The following TIMELESS variants were observed in gnomAD, a reference collection of about 807,000 sequenced individuals.
TIMELESS encodes protein timeless homolog.
A neutral mutation model predicts 164.3 loss-of-function variants in TIMELESS; 124 were observed. That is an observed-to-expected ratio of 0.75 (90% CI 0.65 to 0.88). The LOEUF is 0.88. Among genes scored for constraint, TIMELESS ranks in the 40% least tolerant of loss-of-function variants. The pLI, the probability that TIMELESS is intolerant of heterozygous loss-of-function variation, is 0.00. For missense variants in TIMELESS, 1,422 were observed against 1,491.4 expected (o/e 0.95, Z 0.77); for synonymous variants, 564 against 563.4 (o/e 1.00, Z -0.02).
At position 56,447,018 on chromosome 12, in the gene TIMELESS, T is replaced by TA. The variant is rs1339402409; in HGVS notation, c.-62+2291_-62+2292insT. On this transcript the variant is annotated intron_variant, in intron 1 of 28. Coordinates refer to ENST00000553532, the MANE Select transcript of TIMELESS (RefSeq NM_003920.5). ...TGAGGACAGGAATTCTTTTTATTTT[T>TA]TTTTTTTTTGGAGACGAGTCTCACT... Among the ~76,000 whole-genome samples the TA allele has an allele frequency of 2.5e-3, 384 of 151,546 alleles. 4 individuals carry two copies. Among genetic ancestry groups the TA allele is most frequent in the African/African-American group, 8.8e-3 (363 of 41,362 alleles).
intron 15 of TIMELESS, among the ~76,000 whole-genome samples, chr12:56,424,553 T>C (rs1243977658): frequency 6.6e-6 from 1 of 152,230 alleles, no homozygotes; most frequent in Non-Finnish European, 1.5e-5. Context: ...TTGCTTTCTT[T>C]ATTTTTTTCT....
At chr12:56,434,475 C>T (rs1013056705) in intron 1 of TIMELESS, among the ~76,000 whole-genome samples, 4 of 152,192 alleles carry the variant, frequency 2.6e-5, no homozygotes, top group Non-Finnish European at 5.9e-5. Context: ...CGGTGGCTCA[C>T]GTCTGTAATC....
rs151045363 is a variant in TIMELESS at position 56,428,910 on chromosome 12, C to A, written c.1277G>T (p.Arg426Leu). 13 of 1,613,832 alleles carry A rather than the reference C, an allele frequency of 8.1e-6. No individual in the cohort carries two copies. Among genetic ancestry groups the A allele is most frequent in the African/African-American group, 8.0e-5 (6 of 74,900 alleles). ...TNYYEMMLTD[R>L]KEAASWARRM... is the part of the protein sequence containing the mutation. Reference sequence around the variant, plus strand: ...GCGTGCCCAGGAGGCAGCTTCCTTGCGGTCAGTCAGCATCATCTCATAGTA... The same window carrying A: ...GCGTGCCCAGGAGGCAGCTTCCTTGAGGTCAGTCAGCATCATCTCATAGTA... Residue 426 changes from arginine (R) to leucine (L), a missense_variant, in exon 11 of 29, where the codon CGC becomes CTC. Transcript: ENST00000553532.
chr12:56,448,682 TGG>T (rs1289697109), intron 1 of TIMELESS, among the ~76,000 whole-genome samples: 1 of 152,048 alleles, frequency 6.6e-6, no homozygotes, highest in East Asian at 1.9e-4. Context: ...TGAGCCGAGA[TGG>T]CGCCACTGCA....
At position 56,431,533 on chromosome 12, in the gene TIMELESS, C is replaced by T. The variant is rs150781778; in HGVS notation, c.759G>A (p.Leu253=). ...CCATCTCTCGCTGGCGCAACACCTC[C>T]AGTTCTGCAAAATCTGCACTCCGCT... The part of the protein sequence containing the change: ...AQERSADFAE[L]EVLRQREMAE... Residue 253 remains leucine (L), a synonymous_variant, in exon 8 of 29, where the codon CTG becomes CTA. Transcript: ENST00000553532. 1.9e-5 allele frequency: 30 copies of T among 1,613,790 alleles called. No homozygotes were observed. The African/African-American group carries it at 3.7e-4, about 20-fold the overall frequency.
Position 56,423,687 on chromosome 12 carries a change from G to A in TIMELESS, c.1987C>T (p.Arg663Cys), listed in dbSNP as rs745896818. 10 of 1,613,800 alleles carry A rather than the reference G, an allele frequency of 6.2e-6. No homozygotes were observed. Among genetic ancestry groups the A allele is most frequent in the South Asian group, 5.5e-5 (5 of 91,074 alleles). ...TCCTCTTCTTCTTCCTCTGCCCCAC[G>A]TTCCTCTGGGCCCTGCTGCCCTATA... ...PLPRQQGPEE[R>C]GAEEEEEEEE... Residue 663 changes from arginine (R) to cysteine (C), a missense_variant, in exon 17 of 29, where the codon CGT (arginine) becomes TGT (cysteine). Coordinates refer to ENST00000553532, the MANE Select transcript of TIMELESS (RefSeq NM_003920.5).
At chr12:56,439,949 C>G (rs927734941) in intron 1 of TIMELESS, among the ~76,000 whole-genome samples, 7 of 152,082 alleles carry the variant, frequency 4.6e-5, no homozygotes, top group Admixed American at 3.9e-4. Context: ...CTTTGTCAAA[C>G]ACCACAGAGC....
At chr12:56,431,872 CTA>C (rs915332720) in intron 7 of TIMELESS, among the ~76,000 whole-genome samples, 68 of 123,634 alleles carry the variant, frequency 5.5e-4, no homozygotes, top group African/African-American at 1.6e-3. Flanking sequence ...CATGTACGTT[CTA>C]TGTTTTATAG....
chr12:56,423,884 GC>G lies in TIMELESS; in HGVS notation c.1878del (p.Trp626CysfsTer21). The G allele has an allele frequency of 3.7e-6, 6 of 1,614,078 alleles. No homozygotes were observed. Among genetic ancestry groups the G allele is most frequent in the Non-Finnish European group, 4.2e-6 (5 of 1,179,998 alleles). ...TGAGAGCCAAACACATCTCCTTCAGGCCACACCTCCCTGGAGCACAGATAGA... is the reference window on the plus strand; with the variant it reads ...TGAGAGCCAAACACATCTCCTTCAGGCACACCTCCCTGGAGCACAGATAGA... ...LTLLRSAREVWPEGDVFGSQD... is the reference protein window; with the variant it reads ...LTLLRSAREVXPEGDVFGSQD... On this transcript the variant is annotated frameshift_variant, in exon 16 of 29. Coordinates refer to ENST00000553532, the MANE Select transcript of TIMELESS (RefSeq NM_003920.5). LOFTEE classifies it high-confidence loss of function.
intron 28 of TIMELESS, 30 bp from the exon 29 acceptor site, chr12:56,417,816 G>C (rs764950171): frequency 1.2e-6 from 2 of 1,613,576 alleles, no homozygotes; most frequent in African/African-American, 2.7e-5. Context: ...GAGAGAGAGA[G>C]AGAATATCTA....
intron 13 of TIMELESS, 106 bp downstream of exon 13, chr12:56,428,130 G>A: frequency 9.0e-7 from 1 of 1,116,292 alleles, no homozygotes; most frequent in South Asian, 1.9e-5. Flanking sequence ...GTAGTTCAGA[G>A]CACGTTTAAC....
intron 13 of TIMELESS, 126 bp from the exon 14 acceptor site, chr12:56,425,278 G>T (rs1881643108): frequency 1.7e-6 from 2 of 1,170,228 alleles, no homozygotes; most frequent in Non-Finnish European, 2.3e-6. Flanking sequence ...CTATCCATCG[G>T]TAATAGAAAG....
At chr12:56,423,938 GC>G in intron 15 of TIMELESS, 44 bp from the exon 16 acceptor site, 1 of 1,541,216 alleles carries the variant, frequency 6.5e-7, no homozygotes, top group Non-Finnish European at 8.9e-7. Context: ...GGGAAATCTG[GC>G]TTTAAATTTA....
chr12:56,424,966 T>C (rs1881628261), intron 14 of TIMELESS, 49 bp downstream of exon 14: 2 of 1,614,012 alleles, frequency 1.2e-6, no homozygotes, highest in Non-Finnish European at 8.5e-7. Flanking sequence ...CCAGATTGTA[T>C]ACCCTGAGCA....
chr12:56,423,483 A>C lies in TIMELESS; in HGVS notation c.2091-8T>G. Reference sequence around the variant, plus strand: ...ACAGTTGAACATGCAAAGCTGCACCAAAACAAGGAGGGAGAGGATGTCAGC... The same window carrying C: ...ACAGTTGAACATGCAAAGCTGCACCCAAACAAGGAGGGAGAGGATGTCAGC... On this transcript the variant is annotated splice_region_variant and splice_polypyrimidine_tract_variant and intron_variant, in intron 17 of 28. Transcript: ENST00000553532. 6.2e-7 allele frequency: 1 copy of C among 1,614,076 alleles called. No individual in the cohort carries two copies. The highest frequency in any genetic ancestry group is 8.5e-7 in the Non-Finnish European group (1 of 1,179,950).
chr12:56,425,215 C>T, intron 13 of TIMELESS, 63 bp from the exon 14 acceptor site: 1 of 1,515,742 alleles, frequency 6.6e-7, no homozygotes, highest in Non-Finnish European at 8.8e-7. Flanking sequence ...CCATCAGTGT[C>T]TTTTCTATTA....
chr12:56,439,475 A>G (rs1868248755), intron 1 of TIMELESS, among the ~76,000 whole-genome samples: 1 of 151,266 alleles, frequency 6.6e-6, no homozygotes, highest in South Asian at 2.1e-4. Flanking sequence ...GACTCGCTAT[A>G]GCCTCAACTC....
intron 16 of TIMELESS, 26 bp downstream of exon 16, chr12:56,423,771 G>T: frequency 6.2e-7 from 1 of 1,614,176 alleles, no homozygotes; most frequent in Non-Finnish European, 8.5e-7. Flanking sequence ...GCTGGAAGGA[G>T]ACAGATGTGA....
intron 4 of TIMELESS, 38 bp from the exon 5 acceptor site, chr12:56,433,481 C>T (rs2136145483): frequency 1.2e-6 from 2 of 1,613,840 alleles, no homozygotes; most frequent in South Asian, 1.1e-5. Context: ...TAGCAGTCAT[C>T]CACTTCTTCA....
Sources: allele counts gnomAD v4.1 joint callset (sites outside exome capture counted in the v4.1 genomes callset), GRCh38; gene constraint gnomAD v4.1.1; transcripts MANE v1.5; gene names NCBI Gene and HGNC (gene_info 2026-07-23, HGNC 2026-07-21).